The following POMK variants were observed in gnomAD, a reference collection of about 807,000 sequenced individuals.
The protein encoded by POMK is Sugen kinase 196.
In POMK, 19 loss-of-function variants were observed where a neutral mutation model predicts 23.0. That is an observed-to-expected ratio of 0.83 (90% CI 0.58 to 1.21). POMK has a LOEUF of 1.21. Among genes scored for constraint, POMK ranks in the 50% most tolerant of loss-of-function variants. The pLI, the probability that POMK is intolerant of heterozygous loss-of-function variation, is 0.00. For missense variants in POMK, 410 were observed against 431.3 expected, an observed-to-expected ratio of 0.95 and a Z score of 0.44; for synonymous variants, 173 against 171.6, an observed-to-expected ratio of 1.01 and a Z score of -0.06.
intron 4 of POMK, among the ~76,000 whole-genome samples, chr8:43,109,267 G>C (rs2130608637): frequency 6.6e-6 from 1 of 152,274 alleles, no homozygotes; most frequent in Non-Finnish European, 1.5e-5. Flanking sequence ...CCATTATTCT[G>C]GTAGGAGACT....
At chr8:43,110,199 C>T (rs1296999793) in intron 4 of POMK, among the ~76,000 whole-genome samples, 2 of 152,172 alleles carry the variant, frequency 1.3e-5, no homozygotes, top group Non-Finnish European at 2.9e-5. Context: ...AGAACTGTTT[C>T]TTCAGTAGTC....
At chr8:43,107,620 G>T (rs1419588018) in intron 4 of POMK, among the ~76,000 whole-genome samples, 1 of 151,956 alleles carries the variant, frequency 6.6e-6, no homozygotes, top group Non-Finnish European at 1.5e-5. Context: ...TGATCTGCCT[G>T]CCTTGGTCTC....
At chr8:43,121,107 C>T (rs1398398927) in intron 4 of POMK, among the ~76,000 whole-genome samples, 1 of 152,192 alleles carries the variant, frequency 6.6e-6, no homozygotes, top group African/African-American at 2.4e-5. Flanking sequence ...CCTGGAGCTT[C>T]TTACCTATTT....
Position 43,102,297 on chromosome 8 carries a change from GAGA to G in POMK, c.-117-201_-117-199del, listed in dbSNP as rs555680230. Among the ~76,000 whole-genome samples the G allele has an allele frequency of 1.5e-4, 23 of 152,308 alleles. No homozygotes were observed. In the East Asian group the frequency reaches 4.1e-3, roughly 27 times the overall value. ...AATGAGCAGCTGGAAGTCAGTGATGGAGAAGAAGAGAGCAGACTGGGACAGAGA... is the reference window on the plus strand; with the variant it reads ...AATGAGCAGCTGGAAGTCAGTGATGGAGAAGAGAGCAGACTGGGACAGAGA... On this transcript the variant is annotated intron_variant, in intron 2 of 4. Transcript: ENST00000331373.
rs1352281935 is a variant in POMK, at chr8:43,096,354, C to T, written c.-209-1170C>T. Among the ~76,000 whole-genome samples the T allele has an allele frequency of 3.3e-5, 5 of 152,128 alleles. No individual in the cohort carries two copies. In the East Asian group the frequency reaches 7.7e-4, roughly 23 times the overall value. ...ATGTTAAGCAAGGTGGGATCAGATCCGTGCTTTAGAAAGCTCTCCCTGCAT... is the reference window on the plus strand; with the variant it reads ...ATGTTAAGCAAGGTGGGATCAGATCTGTGCTTTAGAAAGCTCTCCCTGCAT... On this transcript the variant is annotated intron_variant, in intron 1 of 4. Transcript: ENST00000331373.
At chr8:43,116,909 G>A (rs1183493996) in intron 4 of POMK, among the ~76,000 whole-genome samples, 1 of 152,110 alleles carries the variant, frequency 6.6e-6, no homozygotes, top group Middle Eastern at 3.2e-3. Context: ...AGTCAGCCAA[G>A]GGAGATAGGG....
chr8:43,093,903 G>A (rs1396948794), intron 1 of POMK, among the ~76,000 whole-genome samples: 2 of 152,230 alleles, frequency 1.3e-5, no homozygotes, highest in Non-Finnish European at 2.9e-5. Context: ...CAACATGGCG[G>A]AACTTCTGTC....
At chr8:43,099,739 G>T (rs756056469) in intron 2 of POMK, among the ~76,000 whole-genome samples, 1 of 152,152 alleles carries the variant, frequency 6.6e-6, no homozygotes, top group African/African-American at 2.4e-5. Context: ...AGCTGGGCTC[G>T]GGGCCAGTTT....
intron 1 of POMK, among the ~76,000 whole-genome samples, 166 bp downstream of exon 1, chr8:43,093,729 C>G (rs1811271821): frequency 6.6e-6 from 1 of 152,202 alleles, no homozygotes; most frequent in Non-Finnish European, 1.5e-5. Context: ...CCTGAGCGGC[C>G]GTGTCCACCG....
chr8:43,118,638 C>T (rs1034448596), intron 4 of POMK, among the ~76,000 whole-genome samples: 2 of 152,138 alleles, frequency 1.3e-5, no homozygotes, highest in African/African-American at 4.8e-5. Flanking sequence ...CCATGACTAG[C>T]AAATTTTTTA....
chr8:43,093,756 C>T (rs1811272467), intron 1 of POMK, among the ~76,000 whole-genome samples, 193 bp downstream of exon 1: 1 of 152,246 alleles, frequency 6.6e-6, no homozygotes, highest in Non-Finnish European at 1.5e-5. Context: ...GCCCCTATCT[C>T]CGCGTCCACC....
intron 4 of POMK, among the ~76,000 whole-genome samples, chr8:43,119,224 G>A (rs1444123089): frequency 2.0e-5 from 3 of 152,164 alleles, no homozygotes; most frequent in Non-Finnish European, 2.9e-5. Flanking sequence ...TGACCATGCA[G>A]AGGTGGGCGT....
intron 4 of POMK, among the ~76,000 whole-genome samples, chr8:43,109,915 T>C (rs932030646): frequency 6.6e-6 from 1 of 152,258 alleles, no homozygotes; most frequent in Non-Finnish European, 1.5e-5. Flanking sequence ...CAAAACTGTT[T>C]TAAGAAAACT....
chr8:43,113,345 C>T (rs1442918680), intron 4 of POMK, among the ~76,000 whole-genome samples: 5 of 152,100 alleles, frequency 3.3e-5, no homozygotes, highest in Non-Finnish European at 7.4e-5. Context: ...TCCCTTCTTG[C>T]TTCATTTCTT....
rs775170725 is a variant in POMK at position 43,103,663 on chromosome 8, G to A, written c.115G>A (p.Asp39Asn). The change falls in exon 4 of 5, where the codon GAC (aspartate) becomes AAC (asparagine). Residue 39 changes from aspartate to asparagine, a missense_variant. Physicochemically the swap from Asp to Asn is conservative, Grantham distance 23 (BLOSUM62 1). Transcript: ENST00000331373. Reference protein sequence around the residue: ...LMNTLLYLCLDHFFIAPRQST... With the variant: ...LMNTLLYLCLNHFFIAPRQST... ...GAATACTCTGCTCTACCTCTGCCTCGACCACTTCTTCATCGCTCCTCGACA... is the reference window on the plus strand; with the variant it reads ...GAATACTCTGCTCTACCTCTGCCTCAACCACTTCTTCATCGCTCCTCGACA... 1.9e-6 allele frequency: 3 copies of A among 1,613,616 alleles called. No homozygotes were observed. Among genetic ancestry groups the A allele is most frequent in the Admixed American group, 3.3e-5 (2 of 59,940 alleles).
At chr8:43,119,922 T>C (rs889190901) in intron 4 of POMK, among the ~76,000 whole-genome samples, 5 of 151,474 alleles carry the variant, frequency 3.3e-5, no homozygotes, top group Admixed American at 2.6e-4. Flanking sequence ...CCATTTTATA[T>C]AATATTTCTT....
At chr8:43,121,691 T>G (rs1811919226) in intron 4 of POMK, among the ~76,000 whole-genome samples, 1 of 152,170 alleles carries the variant, frequency 6.6e-6, no homozygotes, top group Admixed American at 6.5e-5. Flanking sequence ...TGGTGGTCCA[T>G]TGGAACTGGC....
intron 2 of POMK, among the ~76,000 whole-genome samples, chr8:43,097,982 G>C (rs1408565620): frequency 1.1e-4 from 17 of 152,192 alleles, no homozygotes; most frequent in Non-Finnish European, 2.5e-4. Context: ...AGGTGTGGGT[G>C]AGGTTACCTG....
chr8:43,112,328 CGAAAT>C (rs1811690324), intron 4 of POMK, among the ~76,000 whole-genome samples: 1 of 151,794 alleles, frequency 6.6e-6, no homozygotes, highest in Non-Finnish European at 1.5e-5. Context: ...TGATGGAAGA[CGAAAT>C]GAATGAAATG....
Sources: gnomAD v4.1 joint callset for allele counts (sites outside exome capture counted in the v4.1 genomes callset) on GRCh38, gnomAD v4.1.1 for gene constraint, MANE v1.5 for transcripts, NCBI Gene and HGNC (gene_info 2026-07-23, HGNC 2026-07-21) for gene names.